Variants in ST8SIA2 observed in about 807,000 individuals in gnomAD.
ST8SIA2 encodes the protein ST8 alpha-N-acetyl-neuraminide alpha-2,8-sialyltransferase 2, also known as alpha-2,8-sialyltransferase 8B.
ST8SIA2 carries 22 observed loss-of-function variants against 37.6 expected under a neutral mutation model. The ratio of observed to expected loss-of-function variants is 0.58; its 90% CI spans 0.42 to 0.83. The LOEUF (loss-of-function observed/expected upper bound fraction) is 0.83. Among genes scored for constraint, ST8SIA2 ranks in the 40% least tolerant of loss-of-function variants. The pLI, the probability that ST8SIA2 is intolerant of heterozygous loss-of-function variation, is 0.00. For synonymous variants in ST8SIA2, 205 were observed against 201.2 expected (o/e 1.02, Z -0.16); for missense variants, 382 against 484.7 (o/e 0.79, Z 1.99).
chr15:92,452,949 C>G (rs1018384681), intron 5 of ST8SIA2, among the ~76,000 whole-genome samples: 1 of 152,176 alleles, frequency 6.6e-6, no homozygotes, highest in African/African-American at 2.4e-5. Context: ...GTTAGATGGC[C>G]TCCCTTCCCA....
intron 1 of ST8SIA2, among the ~76,000 whole-genome samples, chr15:92,409,577 TC>T (rs2049534600): frequency 6.6e-6 from 1 of 152,180 alleles, no homozygotes; most frequent in Non-Finnish European, 1.5e-5. Context: ...CCCATTTCTT[TC>T]CTGTTCATTT....
At chr15:92,455,236 T>A (rs1428523902) in intron 5 of ST8SIA2, among the ~76,000 whole-genome samples, 1 of 152,106 alleles carries the variant, frequency 6.6e-6, no homozygotes, top group African/African-American at 2.4e-5. Flanking sequence ...CTCCTCCGGT[T>A]GACAGAGGGT....
intron 5 of ST8SIA2, among the ~76,000 whole-genome samples, chr15:92,447,303 T>C (rs1410063277): frequency 6.6e-6 from 1 of 152,310 alleles, no homozygotes; most frequent in South Asian, 2.1e-4. Flanking sequence ...AATGTGGCAG[T>C]GCCATAGTCT....
chr15:92,449,318 A>T (rs1223064119), intron 5 of ST8SIA2, among the ~76,000 whole-genome samples: 2 of 152,198 alleles, frequency 1.3e-5, no homozygotes, highest in Non-Finnish European at 2.9e-5. Flanking sequence ...CATCAGGGAC[A>T]GTTACTTGTG....
chr15:92,448,543 C>T (rs914975870), intron 5 of ST8SIA2, among the ~76,000 whole-genome samples: 1 of 152,366 alleles, frequency 6.6e-6, no homozygotes, highest in South Asian at 2.1e-4. Context: ...GCAGTAGCGA[C>T]ACCTCCAAAG....
At position 92,468,197 on chromosome 15, in the gene ST8SIA2, A is replaced by C. The variant is rs2050006631; in HGVS notation, c.*3812A>C. On this transcript the variant is annotated 3_prime_UTR_variant, in exon 6 of 6. Transcript: ENST00000268164. ...GTGGTCCCGTCCATCCTGAACATGC[A>C]CAGTGATTTTCCTCTCCCGTTGCAC... The C allele has an allele frequency of 1.3e-5, 2 of 152,586 alleles. No homozygotes were observed. Among genetic ancestry groups the C allele is most frequent in the Non-Finnish European group, 1.5e-5 (1 of 68,056 alleles). 9.5% of individuals were successfully genotyped at this position (152,586 alleles called of 1,614,324 possible).
chr15:92,411,576 T>A (rs937039950), intron 1 of ST8SIA2, among the ~76,000 whole-genome samples: 2 of 152,274 alleles, frequency 1.3e-5, no homozygotes, highest in South Asian at 2.1e-4. Flanking sequence ...AGTTTATCTA[T>A]GTGGAAATGA....
rs8035760 is a variant in ST8SIA2 at position 92,465,242 on chromosome 15, T to A, written c.*857T>A. On this transcript the variant is annotated 3_prime_UTR_variant, in exon 6 of 6. Coordinates refer to ENST00000268164, the MANE Select transcript of ST8SIA2 (RefSeq NM_006011.4). ...AAATCTAGCTGCTTTGGGTGTTTTTTAAAGCAATGTGAGTCCACTGAGGAG... is the reference window on the plus strand; with the variant it reads ...AAATCTAGCTGCTTTGGGTGTTTTTAAAAGCAATGTGAGTCCACTGAGGAG... 22,627 of 152,158 alleles carry A rather than the reference T, an allele frequency of 0.15. 1,879 individuals carry two copies. The highest frequency in any genetic ancestry group is 0.36 in the East Asian group (1,866 of 5,142). 9.4% of individuals were successfully genotyped at this position (152,158 alleles called of 1,614,324 possible).
intron 1 of ST8SIA2, among the ~76,000 whole-genome samples, chr15:92,426,601 G>T (rs577085020): frequency 3.9e-5 from 6 of 152,294 alleles, no homozygotes; most frequent in East Asian, 1.9e-4. Flanking sequence ...CAAGGCATTT[G>T]GTCTCCTCCA....
intron 5 of ST8SIA2, among the ~76,000 whole-genome samples, chr15:92,459,538 G>A (rs1488673829): frequency 6.6e-6 from 1 of 152,192 alleles, no homozygotes; most frequent in Non-Finnish European, 1.5e-5. Context: ...AGTCTAGGAG[G>A]CCCATGCGTT....
At chr15:92,415,693 C>G (rs1430382707) in intron 1 of ST8SIA2, among the ~76,000 whole-genome samples, 1 of 152,068 alleles carries the variant, frequency 6.6e-6, no homozygotes, top group Non-Finnish European at 1.5e-5. Context: ...AACGACTAGT[C>G]TCTTGAGTTT....
chr15:92,460,233 G>T (rs761280787), intron 5 of ST8SIA2, among the ~76,000 whole-genome samples: 1 of 152,142 alleles, frequency 6.6e-6, no homozygotes, highest in Non-Finnish European at 1.5e-5. Context: ...GTCATCACAG[G>T]AGTTCTTAGG....
chr15:92,396,641 C>G (rs7174532), intron 1 of ST8SIA2, among the ~76,000 whole-genome samples: 149,524 of 152,018 alleles, frequency 0.98, 73,524 homozygotes, highest in Middle Eastern at 1. Context: ...TTACAGGCAC[C>G]TGCCACCACA....
At chr15:92,396,938 C>T (rs1379766212) in intron 1 of ST8SIA2, among the ~76,000 whole-genome samples, 2 of 152,190 alleles carry the variant, frequency 1.3e-5, no homozygotes, top group East Asian at 1.9e-4. Flanking sequence ...CTGGAGACCT[C>T]GAATCATACT....
intron 1 of ST8SIA2, among the ~76,000 whole-genome samples, chr15:92,396,571 G>A (rs999637305): frequency 3.3e-5 from 5 of 150,910 alleles, no homozygotes; most frequent in Non-Finnish European, 4.4e-5. Context: ...TCGGCTCACT[G>A]CAACCTCCGC....
chr15:92,416,760 A>T (rs1327305877), intron 1 of ST8SIA2, among the ~76,000 whole-genome samples: 1 of 151,958 alleles, frequency 6.6e-6, no homozygotes, highest in East Asian at 1.9e-4. Context: ...CCTCCTGGCC[A>T]TGTGATCTTC....
intron 5 of ST8SIA2, among the ~76,000 whole-genome samples, chr15:92,452,236 AG>A (rs2049886965): frequency 6.6e-6 from 1 of 152,210 alleles, no homozygotes; most frequent in Non-Finnish European, 1.5e-5. Flanking sequence ...GGAACTTGTT[AG>A]AGACGCACAT....
intron 1 of ST8SIA2, among the ~76,000 whole-genome samples, chr15:92,398,717 A>G (rs949806408): frequency 6.6e-6 from 1 of 152,204 alleles, no homozygotes; most frequent in Non-Finnish European, 1.5e-5. Flanking sequence ...GAGGTTGTAT[A>G]CCCTGCTGAT....
chr15:92,437,675 A>C (rs2049768676), intron 3 of ST8SIA2, among the ~76,000 whole-genome samples: 1 of 151,970 alleles, frequency 6.6e-6, no homozygotes, highest in East Asian at 1.9e-4. Flanking sequence ...GTGTCCATAC[A>C]CGTCACAGTA....
Sources: allele counts gnomAD v4.1 joint callset (sites outside exome capture counted in the v4.1 genomes callset), GRCh38; gene constraint gnomAD v4.1.1; transcripts MANE v1.5; gene names NCBI Gene and HGNC (gene_info 2026-07-23, HGNC 2026-07-21).